The following MGLL variants were observed in gnomAD, a reference collection of about 807,000 sequenced individuals.
The protein encoded by MGLL is lysophospholipase homolog.
A neutral mutation model predicts 29.1 loss-of-function variants in MGLL; 7 were observed. That is an observed-to-expected ratio of 0.24 (90% CI 0.14 to 0.45). The LOEUF (loss-of-function observed/expected upper bound fraction) is 0.45, where lower values mean the gene tolerates loss of function less well. MGLL is among the 20% of genes least tolerant of loss of function. The probability of loss-of-function intolerance (pLI) is 0.99; values close to 1 mark genes in which losing one functional copy is unlikely to be tolerated. For missense variants in MGLL, 356 were observed against 413.6 expected (o/e 0.86, Z 1.21); for synonymous variants, 148 against 168.3 (o/e 0.88, Z 0.93).
intron 3 of MGLL, among the ~76,000 whole-genome samples, chr3:127,775,452 C>G (rs1214362684): frequency 6.6e-6 from 1 of 152,130 alleles, no homozygotes; most frequent in Non-Finnish European, 1.5e-5. Context: ...CACCCATATA[C>G]AATTATTCCC....
intron 2 of MGLL, among the ~76,000 whole-genome samples, chr3:127,820,537 A>G (rs957133389): frequency 6.6e-6 from 1 of 152,236 alleles, no homozygotes; most frequent in East Asian, 1.9e-4. Context: ...TATATTGATC[A>G]AATTACCACA....
intron 2 of MGLL, among the ~76,000 whole-genome samples, chr3:127,784,299 T>G (rs771133043): frequency 1.3e-5 from 2 of 152,152 alleles, no homozygotes; most frequent in Non-Finnish European, 2.9e-5. Flanking sequence ...TGGGTTTAAT[T>G]GGTCTGAGGT....
intron 5 of MGLL, chr3:127,713,369 G>A (rs2075755767): frequency 6.7e-6 from 1 of 149,660 alleles, no homozygotes; most frequent in Non-Finnish European, 1.5e-5. Context: ...CCACACTCAG[G>A]AACCGCAGGA....
rs561585829 is a variant in MGLL at position 127,712,107 on chromosome 3, G to A, written c.511-1442C>T. ...GAAAATGGAGGCTCGGTACCATGAG[G>A]TCCATGGGAGGGGCCCCGGGCTGGG... On this transcript the variant is annotated intron_variant, in intron 5 of 7. Transcript: ENST00000265052. 6 of 152,388 alleles carry A rather than the reference G, an allele frequency of 3.9e-5. No homozygotes were observed. In the East Asian group the frequency reaches 1.2e-3, roughly 29 times the overall value. 9.4% of individuals were successfully genotyped at this position (152,388 alleles called of 1,614,324 possible).
chr3:127,719,685 A>G (rs3773155), intron 5 of MGLL, among the ~76,000 whole-genome samples: 27,328 of 152,084 alleles, frequency 0.18, 3,030 homozygotes, highest in African/African-American at 0.32. Context: ...TCTCCCCCCA[A>G]TCGCACGTTT....
intron 3 of MGLL, among the ~76,000 whole-genome samples, chr3:127,763,366 C>T (rs1283344524): frequency 6.6e-6 from 1 of 152,238 alleles, no homozygotes; most frequent in Non-Finnish European, 1.5e-5. Context: ...GTTTTCTTCT[C>T]ACCCTCTGGC....
intron 2 of MGLL, among the ~76,000 whole-genome samples, chr3:127,792,110 G>T (rs1441885006): frequency 6.6e-6 from 1 of 152,138 alleles, no homozygotes; most frequent in African/African-American, 2.4e-5. Context: ...GCCCCCAGAG[G>T]CCACTCACTA....
At chr3:127,806,616 T>C (rs1040720284) in intron 2 of MGLL, among the ~76,000 whole-genome samples, 6 of 151,246 alleles carry the variant, frequency 4.0e-5, no homozygotes, top group Non-Finnish European at 5.9e-5. Flanking sequence ...TGAGTAGATG[T>C]ATGGGTGGGT....
chr3:127,736,410 A>ACAAAGAGTAAATGAGTCT, intron 3 of MGLL: 1 of 921,670 alleles, frequency 1.1e-6, no homozygotes, highest in Non-Finnish European at 1.3e-6. Context: ...GTAATGAGTC[A>ACAAAGAGTAAATGAGTCT]CAAAGAGTAA....
chr3:127,822,362 A>C lies in MGLL; in HGVS notation c.-44T>G, dbSNP rs376984889. 4.2e-5 allele frequency: 68 copies of C among 1,611,676 alleles called. No homozygotes were observed. The highest frequency in any genetic ancestry group is 5.5e-5 in the Non-Finnish European group (65 of 1,177,894). ...TTCCACAACCACGACAGCCTGGAGAATCAGAACCAGGCAAATCGGGCTGTT... is the reference window on the plus strand; with the variant it reads ...TTCCACAACCACGACAGCCTGGAGACTCAGAACCAGGCAAATCGGGCTGTT... On this transcript the variant is annotated 5_prime_UTR_variant, in exon 1 of 8. Coordinates refer to ENST00000265052, the MANE Select transcript of MGLL (RefSeq NM_007283.7).
intron 2 of MGLL, among the ~76,000 whole-genome samples, chr3:127,803,172 G>A (rs561740831): frequency 9.2e-4 from 139 of 151,550 alleles, no homozygotes; most frequent in African/African-American, 3.1e-3. Flanking sequence ...TAGAGATGGG[G>A]TTTTGCCATG....
intron 2 of MGLL, among the ~76,000 whole-genome samples, chr3:127,787,693 A>G (rs1172050226): frequency 1.3e-5 from 2 of 152,172 alleles, no homozygotes; most frequent in African/African-American, 2.4e-5. Context: ...GAGGGGTGGG[A>G]GCATCGCCTG....
intron 2 of MGLL, among the ~76,000 whole-genome samples, chr3:127,806,239 C>T (rs1216968499): frequency 2.0e-5 from 3 of 152,228 alleles, no homozygotes; most frequent in Non-Finnish European, 4.4e-5. Context: ...GCCTGCCTGC[C>T]GTTCTCCTTG....
intron 3 of MGLL, among the ~76,000 whole-genome samples, chr3:127,765,991 A>G (rs1346877975): frequency 6.6e-6 from 1 of 152,172 alleles, no homozygotes; most frequent in Admixed American, 6.5e-5. Context: ...CAGCTAAGAC[A>G]TTCATTTAAT....
At chr3:127,776,538 T>A (rs567914838) in intron 3 of MGLL, among the ~76,000 whole-genome samples, 18 of 152,302 alleles carry the variant, frequency 1.2e-4, no homozygotes, top group Admixed American at 2.6e-4. Context: ...CTTCTGGCCC[T>A]CCAGGCATTG....
At chr3:127,702,571 A>T (rs961770302) in intron 6 of MGLL, among the ~76,000 whole-genome samples, 1 of 152,256 alleles carries the variant, frequency 6.6e-6, no homozygotes, top group African/African-American at 2.4e-5. Flanking sequence ...GAAAGAGGAT[A>T]ATCAAGGATC....
intron 3 of MGLL, among the ~76,000 whole-genome samples, chr3:127,757,512 C>T (rs1215601285): frequency 6.6e-6 from 1 of 152,198 alleles, no homozygotes; most frequent in East Asian, 1.9e-4. Flanking sequence ...CTTTTGGCTT[C>T]AAGAAATTGA....
chr3:127,797,701 G>A (rs1020308932), intron 2 of MGLL, among the ~76,000 whole-genome samples: 6 of 152,094 alleles, frequency 3.9e-5, no homozygotes, highest in South Asian at 2.1e-4. Context: ...TCAAACTCCC[G>A]GGCTCAAGCG....
rs2076767665 is a variant in MGLL, at chr3:127,761,683, C to T, written c.262+20106G>A. 6.6e-6 allele frequency among the ~76,000 whole-genome samples: 1 copy of T among 152,258 alleles called. No individual in the cohort carries two copies. The highest frequency in any genetic ancestry group is 2.4e-5 in the African/African-American group (1 of 41,464). On this transcript the variant is annotated intron_variant, in intron 3 of 7. Transcript: ENST00000265052. The surrounding 1 kb of genome is among the most constrained non-coding windows in gnomAD (Gnocchi z 4.6). ...CGGAGGCACAGAGAGGGCTGGCGCA[C>T]AGCCGGCCGTGGGCAGAGCTGGACT...
Sources: gnomAD v4.1 joint callset for allele counts (sites outside exome capture counted in the v4.1 genomes callset) on GRCh38, gnomAD v4.1.1 for gene constraint, Gnocchi (gnomAD v3.1) non-coding constraint, MANE v1.5 for transcripts, NCBI Gene and HGNC (gene_info 2026-07-23, HGNC 2026-07-21) for gene names.